Variants in SGCZ observed in about 807,000 individuals in gnomAD.
SGCZ encodes sarcoglycan zeta.
A neutral mutation model predicts 41.3 loss-of-function variants in SGCZ; 40 were observed. That is an observed-to-expected ratio of 0.97 (90% confidence interval 0.75 to 1.26). The LOEUF is 1.26. Ranked by LOEUF, SGCZ falls within the 50% of genes most tolerant of loss-of-function variation. The pLI is 0.00. For missense variants in SGCZ, 552 were observed against 369.8 expected (o/e 1.49, Z -4.04); for synonymous variants, 206 against 137.5 (o/e 1.50, Z -3.49).
intron 1 of SGCZ, among the ~76,000 whole-genome samples, chr8:14,876,568 G>A (rs1380566192): frequency 4.6e-5 from 7 of 152,030 alleles, no homozygotes; most frequent in African/African-American, 1.7e-4. Context: ...ACTTTAAACG[G>A]GTAAATTTGA....
chr8:14,225,764 T>G (rs1212275080), intron 4 of SGCZ, among the ~76,000 whole-genome samples: 1 of 152,052 alleles, frequency 6.6e-6, no homozygotes, highest in Non-Finnish European at 1.5e-5. Context: ...CCACCTCAAC[T>G]GGAAATTATT....
intron 2 of SGCZ, among the ~76,000 whole-genome samples, chr8:14,432,137 C>A (rs945032170): frequency 4.6e-5 from 7 of 152,122 alleles, no homozygotes; most frequent in Non-Finnish European, 7.4e-5. Context: ...CTTTGAAGAA[C>A]TAAAAGTAGA....
intron 1 of SGCZ, among the ~76,000 whole-genome samples, chr8:14,673,665 G>A (rs1464698094): frequency 1.3e-5 from 2 of 152,034 alleles, no homozygotes; most frequent in African/African-American, 4.8e-5. Context: ...TAAATATATA[G>A]AGGTCAGGAA....
chr8:14,470,016 A>T (rs572616580), intron 2 of SGCZ, among the ~76,000 whole-genome samples: 1 of 152,218 alleles, frequency 6.6e-6, no homozygotes, highest in South Asian at 2.1e-4. Flanking sequence ...CCCCAGCTTG[A>T]AGCTGGGTTG....
intron 1 of SGCZ, among the ~76,000 whole-genome samples, chr8:14,691,858 C>T (rs1373193457): frequency 6.6e-6 from 1 of 151,864 alleles, no homozygotes; most frequent in East Asian, 1.9e-4. Context: ...CACCCTAATA[C>T]ATAATTTTAT....
intron 1 of SGCZ, among the ~76,000 whole-genome samples, chr8:14,891,845 G>A (rs189583643): frequency 2.0e-5 from 3 of 152,308 alleles, no homozygotes; most frequent in Admixed American, 6.5e-5. Flanking sequence ...TTAACATGCA[G>A]ACAATATCCT....
intron 1 of SGCZ, among the ~76,000 whole-genome samples, chr8:14,786,224 T>G (rs1447114844): frequency 1.3e-5 from 2 of 152,130 alleles, no homozygotes; most frequent in Non-Finnish European, 2.9e-5. Flanking sequence ...CAGACAGTGG[T>G]CTTTGGTCAG....
intron 1 of SGCZ, among the ~76,000 whole-genome samples, chr8:14,970,967 C>T (rs1801275313): frequency 1.3e-5 from 2 of 152,240 alleles, no homozygotes; most frequent in Admixed American, 6.5e-5. Context: ...TTTCATTCCC[C>T]CTAACATTTT....
chr8:14,818,737 T>C (rs1430238581), intron 1 of SGCZ, among the ~76,000 whole-genome samples: 2 of 152,004 alleles, frequency 1.3e-5, no homozygotes, highest in African/African-American at 2.4e-5. Context: ...GAGAAAGATG[T>C]AATTAAAAAT....
At chr8:14,818,099 C>A (rs192659464) in intron 1 of SGCZ, among the ~76,000 whole-genome samples, 68 of 152,268 alleles carry the variant, frequency 4.5e-4, no homozygotes, top group African/African-American at 1.5e-3. Flanking sequence ...ACTGGGCAGA[C>A]CTCCAATCTT....
chr8:14,550,433 G>T (rs1276281360), intron 2 of SGCZ, among the ~76,000 whole-genome samples: 1 of 151,408 alleles, frequency 6.6e-6, no homozygotes, highest in African/African-American at 2.4e-5. Flanking sequence ...CAGGATTGTG[G>T]TTATCTACAT....
chr8:14,454,143 C>T (rs1800676100), intron 2 of SGCZ, among the ~76,000 whole-genome samples: 1 of 152,112 alleles, frequency 6.6e-6, no homozygotes, highest in Non-Finnish European at 1.5e-5. Context: ...AATGCACCTT[C>T]AGATATTCTG....
At chr8:14,215,397 C>A (rs984021472) in intron 4 of SGCZ, among the ~76,000 whole-genome samples, 1 of 151,800 alleles carries the variant, frequency 6.6e-6, no homozygotes, top group East Asian at 1.9e-4. Flanking sequence ...CTTACAGCAT[C>A]CACTTGCCCT....
intron 1 of SGCZ, among the ~76,000 whole-genome samples, chr8:14,650,139 G>C (rs1455584453): frequency 6.6e-6 from 1 of 152,014 alleles, no homozygotes; most frequent in African/African-American, 2.4e-5. Flanking sequence ...CCATGTGACT[G>C]TTTTTGTTTG....
At chr8:15,183,385 C>G (rs911380262) in intron 1 of SGCZ, among the ~76,000 whole-genome samples, 3 of 152,174 alleles carry the variant, frequency 2.0e-5, no homozygotes, top group Non-Finnish European at 2.9e-5. Context: ...AAGGACATCA[C>G]CAGATATTAG....
intron 4 of SGCZ, among the ~76,000 whole-genome samples, chr8:14,176,500 T>G (rs1165822682): frequency 6.6e-6 from 1 of 152,250 alleles, no homozygotes; most frequent in Non-Finnish European, 1.5e-5. Context: ...ACCAAGTCAG[T>G]ACTGACAAAG....
chr8:14,256,661 A>C (rs911618298), intron 3 of SGCZ, among the ~76,000 whole-genome samples: 6 of 152,106 alleles, frequency 3.9e-5, no homozygotes, highest in African/African-American at 1.4e-4. Context: ...ACCATAACCA[A>C]TATTTCTAAA....
At chr8:14,382,577 A>C (rs1804408012) in intron 2 of SGCZ, among the ~76,000 whole-genome samples, 1 of 152,164 alleles carries the variant, frequency 6.6e-6, no homozygotes, top group Non-Finnish European at 1.5e-5. Context: ...AGTGATGAAA[A>C]ATATGTGCCA....
chr8:15,223,728 A>G (rs949665969), intron 1 of SGCZ, among the ~76,000 whole-genome samples: 1 of 152,192 alleles, frequency 6.6e-6, no homozygotes, highest in Non-Finnish European at 1.5e-5. Context: ...TGTTTTTACT[A>G]ATTATATTTT....
Sources: allele counts gnomAD v4.1 joint callset (sites outside exome capture counted in the v4.1 genomes callset), GRCh38; gene constraint gnomAD v4.1.1; transcripts MANE v1.5; gene names NCBI Gene and HGNC (gene_info 2026-07-23, HGNC 2026-07-21).